The following CDH9 variants were observed in gnomAD, a reference collection of about 807,000 sequenced individuals.
CDH9 encodes the protein cadherin 9.
CDH9 carries 28 observed loss-of-function variants against 70.9 expected under a neutral mutation model. The ratio of observed to expected loss-of-function variants is 0.40; its 90% CI spans 0.29 to 0.54. The LOEUF is 0.54. CDH9 is among the 20% of genes least tolerant of loss of function. The pLI is 0.59. For synonymous variants in CDH9, 409 were observed against 343.1 expected (o/e 1.19, Z -2.12); for missense variants, 874 against 984.4 (o/e 0.89, Z 1.50).
chr5:26,888,439 A>C (rs1043220332), intron 9 of CDH9, among the ~76,000 whole-genome samples: 2 of 152,176 alleles, frequency 1.3e-5, no homozygotes, highest in South Asian at 4.1e-4. Context: ...TAAGAAGGTA[A>C]TAATTGAATA....
At chr5:26,983,127 T>C (rs903293761) in intron 2 of CDH9, among the ~76,000 whole-genome samples, 8 of 151,900 alleles carry the variant, frequency 5.3e-5, no homozygotes, top group Admixed American at 5.2e-4. Flanking sequence ...CAAACAGATA[T>C]GAGATTATGG....
intron 2 of CDH9, among the ~76,000 whole-genome samples, chr5:26,963,231 A>G (rs1021623379): frequency 3.3e-5 from 5 of 152,154 alleles, no homozygotes; most frequent in African/African-American, 1.2e-4. Context: ...CTGGAGGAAA[A>G]TGTAAAGGCA....
At chr5:26,941,535 G>C (rs974367610) in intron 2 of CDH9, among the ~76,000 whole-genome samples, 1 of 152,156 alleles carries the variant, frequency 6.6e-6, no homozygotes, top group African/African-American at 2.4e-5. Flanking sequence ...ATCACAGTTA[G>C]GGATGCTCCT....
intron 1 of CDH9, among the ~76,000 whole-genome samples, chr5:27,021,962 C>T (rs1743144942): frequency 1.3e-5 from 2 of 151,884 alleles, no homozygotes. Flanking sequence ...AATTCACTAT[C>T]GGATACTCTC....
intron 2 of CDH9, among the ~76,000 whole-genome samples, chr5:26,970,925 C>A (rs773923032): frequency 6.6e-6 from 1 of 151,958 alleles, no homozygotes; most frequent in Non-Finnish European, 1.5e-5. Flanking sequence ...AAGTTGAATA[C>A]CAACATAAAC....
At chr5:26,889,228 AT>A (rs34707351) in intron 9 of CDH9, among the ~76,000 whole-genome samples, 82,617 of 151,814 alleles carry the variant, frequency 0.54, 23,096 homozygotes, top group East Asian at 0.8. Flanking sequence ...AAAATACTAC[AT>A]TTTTTTGTCA....
chr5:26,983,555 C>T (rs1474722498), intron 2 of CDH9, among the ~76,000 whole-genome samples: 1 of 152,142 alleles, frequency 6.6e-6, no homozygotes, highest in Non-Finnish European at 1.5e-5. Flanking sequence ...AAACTCGCCT[C>T]AGTATGCTGT....
At position 26,881,034 on chromosome 5, in the gene CDH9, T is replaced by C; in HGVS notation, c.*102A>G. ...ACAACATCTACGTATTGTTTGTAAC[T>C]TCAATTTTTGAAAGATTTCCTCCCA... On this transcript the variant is annotated 3_prime_UTR_variant, in exon 12 of 12. Transcript: ENST00000231021. 1 of 1,136,972 alleles carries C rather than the reference T, an allele frequency of 8.8e-7. No individual in the cohort carries two copies. The highest frequency in any genetic ancestry group is 2.4e-5 in the Admixed American group (1 of 41,442). 70.4% of individuals were successfully genotyped at this position (1,136,972 alleles called of 1,614,324 possible).
intron 5 of CDH9, among the ~76,000 whole-genome samples, chr5:26,904,277 CT>C: frequency 6.6e-6 from 1 of 150,784 alleles, no homozygotes; most frequent in East Asian, 1.9e-4. Flanking sequence ...ACCAATGTTT[CT>C]TTTTTTTGCT....
chr5:26,997,411 G>T (rs1742685018), intron 1 of CDH9, among the ~76,000 whole-genome samples: 1 of 152,098 alleles, frequency 6.6e-6, no homozygotes, highest in Admixed American at 6.6e-5. Flanking sequence ...CCATTGCAAA[G>T]ATGTCCATCT....
intron 3 of CDH9, among the ~76,000 whole-genome samples, chr5:26,911,333 A>ATT: frequency 1.3e-5 from 2 of 152,184 alleles, no homozygotes; most frequent in African/African-American, 4.8e-5. Context: ...TTCTTTATAA[A>ATT]TACTTTACCA....
intron 2 of CDH9, among the ~76,000 whole-genome samples, chr5:26,935,888 CAT>C (rs138850450): frequency 0.096 from 14,542 of 151,900 alleles, 869 homozygotes; most frequent in East Asian, 0.17. Flanking sequence ...AATAAAGTGG[CAT>C]ATATATATAC....
chr5:26,895,885 G>C (rs1740741425), intron 7 of CDH9, among the ~76,000 whole-genome samples: 1 of 151,958 alleles, frequency 6.6e-6, no homozygotes. Context: ...ACAGTCCCAT[G>C]CTACAATGTT....
At chr5:26,994,539 G>T (rs1430032283) in intron 1 of CDH9, among the ~76,000 whole-genome samples, 1 of 131,094 alleles carries the variant, frequency 7.6e-6, no homozygotes, top group Non-Finnish European at 1.7e-5. Context: ...TTTGTTTTTT[G>T]TTTGTTTGTT....
intron 11 of CDH9, 53 bp downstream of exon 11, chr5:26,885,561 G>C (rs1279300207): frequency 6.7e-7 from 1 of 1,486,172 alleles, no homozygotes; most frequent in Admixed American, 1.7e-5. Flanking sequence ...TGCTCAGACA[G>C]TGAGGGAGAG....
intron 1 of CDH9, among the ~76,000 whole-genome samples, chr5:27,030,809 A>AT (rs3841123): frequency 0.45 from 68,293 of 151,338 alleles, 16,182 homozygotes; most frequent in Non-Finnish European, 0.5. Flanking sequence ...GCAAATACAT[A>AT]TAACACTCAG....
At position 26,990,665 on chromosome 5, in the gene CDH9, G is replaced by C. The variant is rs193180867; in HGVS notation, c.-49-2283C>G. Among the ~76,000 whole-genome samples the C allele has an allele frequency of 4.2e-4, 64 of 152,304 alleles. No individual in the cohort carries two copies. In the East Asian group the frequency reaches 8.7e-3, roughly 21 times the overall value. On this transcript the variant is annotated intron_variant, in intron 1 of 11. Coordinates refer to ENST00000231021, the MANE Select transcript of CDH9 (RefSeq NM_016279.4). ...GTCACTGGCCCAGAACATGCCCCAT[G>C]TTTTGTAGCTGAGTGATGCTGTAGT...
At chr5:26,989,032 G>A (rs1189456714) in intron 1 of CDH9, among the ~76,000 whole-genome samples, 1 of 151,824 alleles carries the variant, frequency 6.6e-6, no homozygotes, top group Admixed American at 6.6e-5. Context: ...TGAGACTGAG[G>A]AGTACACGCT....
intron 2 of CDH9, among the ~76,000 whole-genome samples, chr5:26,947,154 T>G (rs2112042523): frequency 6.6e-6 from 1 of 152,262 alleles, no homozygotes; most frequent in African/African-American, 2.4e-5. Flanking sequence ...CTAGTCCTCT[T>G]TGGTGGAAAA....
Sources: gnomAD v4.1 joint callset for allele counts (sites outside exome capture counted in the v4.1 genomes callset) on GRCh38, gnomAD v4.1.1 for gene constraint, MANE v1.5 for transcripts, NCBI Gene and HGNC (gene_info 2026-07-23, HGNC 2026-07-21) for gene names.